The following FUS variants were observed in gnomAD, a reference collection of about 807,000 sequenced individuals.
The protein encoded by FUS is RNA-binding protein FUS.
In FUS, 5 loss-of-function variants were observed where a neutral mutation model predicts 82.7. The observed-to-expected ratio is 0.06, with a 90% confidence interval of 0.03 to 0.13. The LOEUF (loss-of-function observed/expected upper bound fraction) is 0.13. Ranked by LOEUF, FUS falls within the 10% of genes least tolerant of loss-of-function variation. FUS has a pLI of 1.00. For synonymous variants in FUS, 281 were observed against 247.4 expected (o/e 1.14, Z -1.27); for missense variants, 512 against 707.8 (o/e 0.72, Z 3.14).
intron 1 of FUS, among the ~76,000 whole-genome samples, chr16:31,180,749 C>T (rs1005436417): frequency 6.6e-6 from 1 of 152,172 alleles, no homozygotes; most frequent in Non-Finnish European, 1.5e-5. Flanking sequence ...CCTCAGTGGT[C>T]CTTCGCGAAT....
chr16:31,186,649 A>AGGGGTG, intron 6 of FUS, 153 bp from the exon 7 acceptor site: 1 of 715,282 alleles, frequency 1.4e-6, no homozygotes, highest in Non-Finnish European at 2.6e-6. Flanking sequence ...AGGTCAGACA[A>AGGGGTG]GGGGTGGTCA....
downstream of FUS, chr16:31,194,804 A>C (rs1308465267): frequency 6.2e-6 from 3 of 480,028 alleles, no homozygotes; most frequent in Non-Finnish European, 1.2e-5. Flanking sequence ...GGAGGTTGCA[A>C]ATGTTTTGTG....
rs1370807377 is a variant in FUS at position 31,191,487 on chromosome 16, T to A, written c.*49T>A. 2.5e-6 allele frequency: 4 copies of A among 1,595,064 alleles called. No individual in the cohort carries two copies. Among genetic ancestry groups the A allele is most frequent in the Non-Finnish European group, 3.4e-6 (4 of 1,162,910 alleles). On this transcript the variant is annotated 3_prime_UTR_variant, in exon 15 of 15. Transcript: ENST00000254108. ...GAACAGCTTTTTGTCCTGTACCCAGTGTTACCCTCGTTATTTTGTAACCTT... is the reference window on the plus strand; with the variant it reads ...GAACAGCTTTTTGTCCTGTACCCAGAGTTACCCTCGTTATTTTGTAACCTT...
At chr16:31,184,678 T>C (rs547822044) in intron 5 of FUS, among the ~76,000 whole-genome samples, 25 of 151,994 alleles carry the variant, frequency 1.6e-4, no homozygotes, top group Middle Eastern at 6.8e-3. Context: ...CTCCTGACCT[T>C]GTGATCCGCC....
chr16:31,185,724 A>C, intron 6 of FUS: 1 of 390,932 alleles, frequency 2.6e-6, no homozygotes, highest in East Asian at 4.9e-5. Context: ...TTATGGGGCC[A>C]GCTGACTGAA....
chr16:31,191,471 T>C lies in FUS; in HGVS notation c.*33T>C. On this transcript the variant is annotated 3_prime_UTR_variant, in exon 15 of 15. Coordinates refer to ENST00000254108, the MANE Select transcript of FUS (RefSeq NM_004960.4). ...GGCTCCCCAGGTTCTGGAACAGCTT[T>C]TTGTCCTGTACCCAGTGTTACCCTC... 1 of 1,611,958 alleles carries C rather than the reference T, an allele frequency of 6.2e-7. No homozygotes were observed. Among genetic ancestry groups the C allele is most frequent in the Non-Finnish European group, 8.5e-7 (1 of 1,178,188 alleles).
chr16:31,192,105 C>G, downstream of FUS: 1 of 532,022 alleles, frequency 1.9e-6, no homozygotes, highest in Non-Finnish European at 3.6e-6. Flanking sequence ...GTGAGTGACT[C>G]CCTTCCTAGC....
downstream of FUS, chr16:31,194,649 C>A (rs887367274): frequency 2.0e-5 from 10 of 488,796 alleles, no homozygotes; most frequent in African/African-American, 2.0e-4. Flanking sequence ...TTATGGGGTA[C>A]AATGTCCTAT....
At chr16:31,181,319 C>A (rs1255558464) in intron 1 of FUS, among the ~76,000 whole-genome samples, 1 of 152,242 alleles carries the variant, frequency 6.6e-6, no homozygotes, top group Non-Finnish European at 1.5e-5. Context: ...CGCCGCGTTT[C>A]CTGTGCTGGG....
In FUS at chr16:31,181,683, G is replaced by A. The variant is rs778441410; in HGVS notation, c.14-715G>A. Among the ~76,000 whole-genome samples the A allele has an allele frequency of 3.9e-5, 6 of 152,184 alleles. No individual in the cohort carries two copies. The South Asian group carries it at 1.2e-3, about 31-fold the overall frequency. On this transcript the variant is annotated intron_variant, in intron 1 of 14. Coordinates refer to ENST00000254108, the MANE Select transcript of FUS (RefSeq NM_004960.4). Reference sequence around the variant, plus strand: ...CTGAACACTGTTCGAATTCAAACCTGTGCCACTTTGGTAGTTCTGCGACGT... The same window carrying A: ...CTGAACACTGTTCGAATTCAAACCTATGCCACTTTGGTAGTTCTGCGACGT...
chr16:31,189,283 C>T, intron 9 of FUS, 57 bp downstream of exon 9: 1 of 1,252,588 alleles, frequency 8.0e-7, no homozygotes, highest in South Asian at 1.2e-5. Context: ...GTGGATTTCA[C>T]ACATTAGTAA....
In FUS at chr16:31,185,081, T is replaced by TGGC. The variant is rs72550890; in HGVS notation, c.684_686dup (p.Gly231dup). On this transcript the variant is annotated inframe_insertion, in exon 6 of 15. Transcript: ENST00000254108. ...GAGGCCGCGGCAGGGGTGGCAGTGG[T>TGGC]GGCGGCGGCGGCGGCGGCGGTGGTG... 2,319 of 1,607,566 alleles carry TGGC rather than the reference T, an allele frequency of 1.4e-3. 12 individuals carry two copies. Among genetic ancestry groups the TGGC allele is most frequent in the African/African-American group, 0.014 (1,065 of 74,714 alleles).
rs1380302975 is a variant in FUS at position 31,189,575 on chromosome 16, G to A, written c.937-90G>A. 1.9e-6 allele frequency: 3 copies of A among 1,577,138 alleles called. No homozygotes were observed. In the African/African-American group the frequency reaches 4.0e-5, roughly 21 times the overall value. ...TGGGAAGAGGGGAGCTGAAGTTTGG[G>A]AATTATAAACCTCATGTTCTAGAGG... On this transcript the variant is annotated intron_variant, in intron 9 of 14. Coordinates refer to ENST00000254108, the MANE Select transcript of FUS (RefSeq NM_004960.4).
Position 31,190,821 on chromosome 16 carries a change from G to A in FUS, c.1372G>A (p.Gly458Arg), listed in dbSNP as rs747868866. 6.8e-6 allele frequency: 11 copies of A among 1,614,148 alleles called. No homozygotes were observed. Among genetic ancestry groups the A allele is most frequent in the Non-Finnish European group, 8.5e-6 (10 of 1,179,980 alleles). ...KAPKPDGPGG[G>R]PGGSHMGGNY... ...CCCTAAACCAGATGGCCCAGGAGGG[G>A]GACCAGGTGGCTCTCACATGGGTAA... Residue 458 changes from glycine to arginine, a missense_variant, in exon 13 of 15, where the codon GGA becomes AGA. This residue lies in a region of FUS where 96 missense variants were observed against 120.7 expected (regional missense o/e 0.80). Transcript: ENST00000254108.
In FUS at chr16:31,184,438, C is replaced by CTTT. The variant is rs370126678; in HGVS notation, c.523+57_523+59dup. On this transcript the variant is annotated intron_variant, in intron 5 of 14. Transcript: ENST00000254108. ...TTTGTCTGCAGCCCATTTTCTTTTT[C>CTTT]TTTTTTTTTTTTTTTTTGAGACGGA... 3.3e-4 allele frequency: 402 copies of CTTT among 1,211,398 alleles called. 2 individuals are homozygous for CTTT. The highest frequency in any genetic ancestry group is 2.2e-3 in the African/African-American group (128 of 58,262). The allele number at this position is 1,211,398 out of a possible 1,614,324, so 75.0% of individuals were successfully genotyped here.
intron 8 of FUS, 89 bp downstream of exon 8, chr16:31,188,446 C>A: frequency 2.2e-5 from 31 of 1,425,534 alleles, no homozygotes; most frequent in Middle Eastern, 1.8e-4. Flanking sequence ...AAAAAGGAAA[C>A]TGAAAAAAAT....
chr16:31,184,096 T>TA, intron 4 of FUS, 94 bp downstream of exon 4: 1 of 1,612,180 alleles, frequency 6.2e-7, no homozygotes, highest in Non-Finnish European at 8.5e-7. Context: ...TTCAGAGGTG[T>TA]AATTGGGGTA....
chr16:31,190,548 T>C lies in FUS; in HGVS notation c.1292+150T>C, dbSNP rs1054028779. 1.8e-5 allele frequency: 23 copies of C among 1,281,804 alleles called. No individual in the cohort carries two copies. In the African/African-American group the frequency reaches 3.1e-4, roughly 17 times the overall value. The allele number at this position is 1,281,804 out of a possible 1,614,324, so 79.4% of individuals were successfully genotyped here. On this transcript the variant is annotated intron_variant, in intron 12 of 14. Coordinates refer to ENST00000254108, the MANE Select transcript of FUS (RefSeq NM_004960.4). ...AGCCAAAAGCTTACCTAGGTAAGGT[T>C]GATGTAATGGGAAAGGTAATGGATT...
chr16:31,186,738 C>T lies in FUS; in HGVS notation c.765-64C>T, dbSNP rs946504095. 19 of 1,537,576 alleles carry T rather than the reference C, an allele frequency of 1.2e-5. No individual in the cohort carries two copies. The East Asian group carries it at 4.3e-4, about 35-fold the overall frequency. The stretch of plus-strand genomic sequence containing the variant: ...ATGTTTGGGGAATGTTAAACAAAAT[C>T]AAAAAACAACCTTTTGTAGCCGTTG... On this transcript the variant is annotated intron_variant, in intron 6 of 14. Transcript: ENST00000254108.
Sources: gnomAD v4.1 joint callset for allele counts (sites outside exome capture counted in the v4.1 genomes callset) on GRCh38, gnomAD v4.1.1 for gene constraint, gnomAD v4.1.1 regional missense constraint, MANE v1.5 for transcripts, NCBI Gene and HGNC (gene_info 2026-07-23, HGNC 2026-07-21) for gene names.